Variants in TTC16 observed in about 807,000 individuals in gnomAD.
The protein encoded by TTC16 is tetratricopeptide repeat protein 16.
In TTC16, 66 loss-of-function variants were observed where a neutral mutation model predicts 80.4. The observed-to-expected ratio is 0.82, with a 90% CI of 0.67 to 1.01. The LOEUF is 1.01. TTC16 is among the 50% of genes least tolerant of loss of function. The probability of loss-of-function intolerance (pLI) is 0.00; values close to 1 mark genes in which losing one functional copy is unlikely to be tolerated. For synonymous variants in TTC16, 438 were observed against 451.3 expected, an observed-to-expected ratio of 0.97 and a Z score of 0.37; for missense variants, 1,070 against 1,103.2, an observed-to-expected ratio of 0.97 and a Z score of 0.43.
chr9:127,728,132 C>T (rs1844126249), intron 12 of TTC16: 1 of 152,246 alleles, frequency 6.6e-6, no homozygotes, highest in Non-Finnish European at 1.5e-5. Context: ...TGAATTTTCA[C>T]AAACTGCATT....
In TTC16 at chr9:127,717,323, T is replaced by A. The variant is rs775835259; in HGVS notation, c.192-11T>A. The A allele has an allele frequency of 6.2e-7, 1 of 1,607,870 alleles. No homozygotes were observed. Among genetic ancestry groups the A allele is most frequent in the Non-Finnish European group, 8.5e-7 (1 of 1,179,882 alleles). On this transcript the variant is annotated splice_polypyrimidine_tract_variant and intron_variant, in intron 2 of 13. Coordinates refer to ENST00000373289, the MANE Select transcript of TTC16 (RefSeq NM_144965.3). ...GGGCCACCCCTCTGCCTGTCCCCAC[T>A]TTCCCCACAGCTACTCCAGAGGCCA...
Position 127,720,138 on chromosome 9 carries a change from G to C in TTC16, c.487G>C (p.Ala163Pro). 1.2e-6 allele frequency: 2 copies of C among 1,613,894 alleles called. No homozygotes were observed. The highest frequency in any genetic ancestry group is 1.7e-6 in the Non-Finnish European group (2 of 1,180,000). ...TGCCCTGAATGTCTTCTCACATGCT[G>C]CTGAGCTCCAGCCTGAGAAACCATG... ...LDALNVFSHAAELQPEKPCFR... is the reference protein window; with the variant it reads ...LDALNVFSHAPELQPEKPCFR... The change falls in exon 5 of 14, where the codon GCT becomes CCT. Residue 163 changes from alanine (A) to proline (P), a missense_variant. Transcript: ENST00000373289.
intron 4 of TTC16, among the ~76,000 whole-genome samples, chr9:127,719,319 C>G (rs1251810996): frequency 6.6e-6 from 1 of 152,158 alleles, no homozygotes; most frequent in African/African-American, 2.4e-5. Context: ...TCCTGTGTAC[C>G]CTTGTGCAAG....
intron 13 of TTC16, 53 bp from the exon 14 acceptor site, chr9:127,730,583 G>A: frequency 1.3e-6 from 2 of 1,585,206 alleles, no homozygotes; most frequent in Non-Finnish European, 1.7e-6. Flanking sequence ...TCCCAGAGCT[G>A]TCCAGGGCAG....
chr9:127,724,461 G>A, intron 8 of TTC16, 97 bp downstream of exon 8: 1 of 1,467,436 alleles, frequency 6.8e-7, no homozygotes, highest in Non-Finnish European at 9.2e-7. Context: ...GGGGGAAGGA[G>A]GAAGGGAGAG....
chr9:127,722,134 G>A lies in TTC16; in HGVS notation c.658-985G>A, dbSNP rs1168179570. ...AGGAAGAGCCAGCCCCAGGTGACTT[G>A]CCCAAGGTCACACAGCCTGTTCCCA... is the stretch of plus-strand genomic sequence containing the variant. On this transcript the variant is annotated intron_variant, in intron 6 of 13. Coordinates refer to ENST00000373289, the MANE Select transcript of TTC16 (RefSeq NM_144965.3). The surrounding 1 kb of genome is among the most constrained non-coding windows in gnomAD (Gnocchi z 4.2). Among the ~76,000 whole-genome samples the A allele has an allele frequency of 6.6e-6, 1 of 152,134 alleles. No homozygotes were observed. Among genetic ancestry groups the A allele is most frequent in the African/African-American group, 2.4e-5 (1 of 41,408 alleles).
At chr9:127,719,281 T>C (rs1205597114) in intron 4 of TTC16, among the ~76,000 whole-genome samples, 1 of 152,074 alleles carries the variant, frequency 6.6e-6, no homozygotes, top group East Asian at 1.9e-4. Context: ...AATCTGTCTG[T>C]TGGGGGCCCA....
chr9:127,730,193 A>G, intron 13 of TTC16: 1 of 227,930 alleles, frequency 4.4e-6, no homozygotes, highest in South Asian at 7.7e-5. Context: ...CATGAATTCT[A>G]AGCTCCAACA....
rs971898821 is a variant in TTC16 at position 127,722,748 on chromosome 9, G to A, written c.658-371G>A. Among the ~76,000 whole-genome samples, 1 of 152,212 alleles carries A rather than the reference G, an allele frequency of 6.6e-6. No homozygotes were observed. ...AGGTGGGCGGATCACCTAAGGTCAG[G>A]AGTTTGAGACCAGCCTGGCCAACAT... On this transcript the variant is annotated intron_variant, in intron 6 of 13. Transcript: ENST00000373289. The surrounding 1 kb of genome is among the most constrained non-coding windows in gnomAD (Gnocchi z 4.2).
chr9:127,724,820 G>A lies in TTC16; in HGVS notation c.1182G>A (p.Leu394=), dbSNP rs1407309067. ...CGGACTACCAGCAGGCGCTGGCGCT[G>A]AGCCCTCAGGACGAGGGCGCCAACA... ...AEADYQQALA[L]SPQDEGANTR... Residue 394 remains leucine, a synonymous_variant, in exon 9 of 14, where the codon CTG becomes CTA. Transcript: ENST00000373289. 3 of 1,607,482 alleles carry A rather than the reference G, an allele frequency of 1.9e-6. No homozygotes were observed. The highest frequency in any genetic ancestry group is 1.7e-4 in the Middle Eastern group (1 of 6,048).
Position 127,729,678 on chromosome 9 carries a change from T to TG in TTC16, c.1852+12dup. 1.2e-6 allele frequency: 2 copies of TG among 1,612,782 alleles called. No individual in the cohort carries two copies. The highest frequency in any genetic ancestry group is 2.7e-5 in the African/African-American group (2 of 75,078). ...GCCTCCAGCATGAGCTGTAAGTCCC[T>TG]GGTGCTTCCGCCAGGCCTCAGGAAG... On this transcript the variant is annotated intron_variant, in intron 13 of 13. Coordinates refer to ENST00000373289, the MANE Select transcript of TTC16 (RefSeq NM_144965.3).
chr9:127,717,417 C>T lies in TTC16; in HGVS notation c.275C>T (p.Pro92Leu). The T allele has an allele frequency of 6.2e-7, 1 of 1,612,732 alleles. No homozygotes were observed. Among genetic ancestry groups the T allele is most frequent in the Non-Finnish European group, 8.5e-7 (1 of 1,179,368 alleles). The change falls in exon 3 of 14, where the codon CCA (proline) becomes CTA (leucine). Residue 92 changes from proline (P) to leucine (L), a missense_variant. By Grantham distance (98) the Pro-to-Leu change is moderately conservative (BLOSUM62 -3). Transcript: ENST00000373289. ...LLFSRALHLD[P>L]QLVDFYALRA... is the part of the protein sequence containing the mutation. The stretch of plus-strand genomic sequence containing the variant: ...TTCTCCCGCGCACTCCACCTGGACC[C>T]ACAGCTGGTGAGAGGCAGACCTGGG...
rs1220290860 is a variant in TTC16 at position 127,727,323 on chromosome 9, C to A, written c.1622C>A (p.Ser541Ter). 1 of 1,600,140 alleles carries A rather than the reference C, an allele frequency of 6.2e-7. No individual in the cohort carries two copies. The highest frequency in any genetic ancestry group is 1.1e-5 in the South Asian group (1 of 90,404). Residue 541 changes from serine (S) to a stop codon, truncating the protein, a stop_gained, in exon 12 of 14, where the codon TCA (serine) becomes TAA (stop). Transcript: ENST00000373289. LOFTEE classifies it high-confidence loss of function. ...ERQKALALQH[S>*]WKQGEPLIAT... ...CAGAAGGCCTTGGCCCTGCAGCACT[C>A]ATGGAAGCAGGGGGAGCCTTTGATT...
At chr9:127,721,913 C>T (rs971178355) in intron 6 of TTC16, among the ~76,000 whole-genome samples, 2 of 152,040 alleles carry the variant, frequency 1.3e-5, no homozygotes, top group Admixed American at 6.5e-5. Flanking sequence ...CCCCCTGCCT[C>T]GGCCTCTCCA....
Position 127,718,315 on chromosome 9 carries a change from T to C in TTC16, c.426+543T>C, listed in dbSNP as rs1843206930. Among the ~76,000 whole-genome samples, 1 of 152,180 alleles carries C rather than the reference T, an allele frequency of 6.6e-6. No homozygotes were observed. Among genetic ancestry groups the C allele is most frequent in the Admixed American group, 6.5e-5 (1 of 15,276 alleles). On this transcript the variant is annotated intron_variant, in intron 4 of 13. Coordinates refer to ENST00000373289, the MANE Select transcript of TTC16 (RefSeq NM_144965.3). This position sits in a 1 kb window ranked among gnomAD's most constrained non-coding sequence, Gnocchi z 4.6. ...GTTGCCCAGGCTGGTCTTGAACTCC[T>C]GGGCTCAGGCAATCCACCCACCTCG... is the stretch of plus-strand genomic sequence containing the variant.
intron 4 of TTC16, among the ~76,000 whole-genome samples, chr9:127,719,505 G>T (rs1843291853): frequency 6.6e-6 from 1 of 152,038 alleles, no homozygotes; most frequent in Non-Finnish European, 1.5e-5. Context: ...GTTTTGTTTT[G>T]TTTTTGAGAT....
intron 4 of TTC16, 29 bp downstream of exon 4, chr9:127,717,801 G>T (rs752978172): frequency 6.2e-7 from 1 of 1,600,698 alleles, no homozygotes; most frequent in South Asian, 1.1e-5. Context: ...GCCCATGCAG[G>T]GCACCCACCT....
In TTC16 at chr9:127,724,106, G is replaced by GCC. The variant is rs35761147; in HGVS notation, c.873-7_873-6dup. The GCC allele has an allele frequency of 1.3e-6, 2 of 1,566,270 alleles. No individual in the cohort carries two copies. The highest frequency in any genetic ancestry group is 1.4e-5 in the African/African-American group (1 of 73,604). On this transcript the variant is annotated splice_polypyrimidine_tract_variant and intron_variant, in intron 7 of 13. Transcript: ENST00000373289. ...TCATGTCCCTCCTGCCGTCTCCCAC[G>GCC]CCCCCCCCGACAGGGGCACCATGTA...
chr9:127,731,228 C>T lies in TTC16; in HGVS notation c.2445C>T (p.Leu815=). 1 of 1,613,036 alleles carries T rather than the reference C, an allele frequency of 6.2e-7. No individual in the cohort carries two copies. The change falls in exon 14 of 14, where the codon CTC becomes CTT. Residue 815 remains leucine (L), a synonymous_variant. Coordinates refer to ENST00000373289, the MANE Select transcript of TTC16 (RefSeq NM_144965.3). Reference sequence around the variant, plus strand: ...CTTTCTATGACTCAAACTGGAGCCTCAGCAAAACTGAGTATGCCCAAGGCC... The same window carrying T: ...CTTTCTATGACTCAAACTGGAGCCTTAGCAAAACTGAGTATGCCCAAGGCC... ...TEAFYDSNWS[L]SKTEYAQGQG... is the part of the protein sequence containing the mutation.
Sources: gnomAD v4.1 joint callset for allele counts (sites outside exome capture counted in the v4.1 genomes callset) on GRCh38, gnomAD v4.1.1 for gene constraint, Gnocchi (gnomAD v3.1) non-coding constraint, MANE v1.5 for transcripts, NCBI Gene and HGNC (gene_info 2026-07-23, HGNC 2026-07-21) for gene names.